Variants in COMMD1 observed in about 807,000 individuals in gnomAD.
The protein encoded by COMMD1 is COMM domain-containing protein 1.
COMMD1 carries 10 observed loss-of-function variants against 17.2 expected under a neutral mutation model. That is an observed-to-expected ratio of 0.58 (90% CI 0.36 to 0.99). The LOEUF is 0.99. Ranked by LOEUF, COMMD1 falls within the 50% of genes least tolerant of loss-of-function variation. The pLI, the probability that COMMD1 is intolerant of heterozygous loss-of-function variation, is 0.01. For synonymous variants in COMMD1, 97 were observed against 91.6 expected (o/e 1.06, Z -0.34); for missense variants, 270 against 231.8 (o/e 1.17, Z -1.07).
chr2:61,986,854 C>T (rs1212578278), intron 1 of COMMD1, among the ~76,000 whole-genome samples: 1 of 152,078 alleles, frequency 6.6e-6, no homozygotes, highest in Non-Finnish European at 1.5e-5. Flanking sequence ...CAGGTATGAG[C>T]CCCTGTGCCC....
At chr2:62,001,183 G>A in intron 2 of COMMD1, 1 of 583,490 alleles carries the variant, frequency 1.7e-6, no homozygotes, top group Non-Finnish European at 3.0e-6. Context: ...TCAGGGTCCT[G>A]GCAGCTGTCT....
chr2:62,053,676 C>A (rs1318583320), intron 2 of COMMD1, among the ~76,000 whole-genome samples: 1 of 152,098 alleles, frequency 6.6e-6, no homozygotes, highest in Non-Finnish European at 1.5e-5. Context: ...TGGCCAAATT[C>A]TAAGGATCAG....
chr2:62,112,555 C>A (rs900748634), intron 2 of COMMD1, among the ~76,000 whole-genome samples: 1 of 152,204 alleles, frequency 6.6e-6, no homozygotes, highest in African/African-American at 2.4e-5. Flanking sequence ...GTATGTGTAA[C>A]AAGGTAGGAA....
At chr2:61,911,304 G>A (rs778132899) in intron 1 of COMMD1, among the ~76,000 whole-genome samples, 2 of 151,892 alleles carry the variant, frequency 1.3e-5, no homozygotes, top group Non-Finnish European at 2.9e-5. Flanking sequence ...GTGAAACCCC[G>A]TCTCTATTAA....
chr2:61,939,867 C>T (rs1670697611), intron 1 of COMMD1, among the ~76,000 whole-genome samples: 1 of 152,224 alleles, frequency 6.6e-6, no homozygotes, highest in Non-Finnish European at 1.5e-5. Context: ...TAGAATCTAG[C>T]AGCTCCTCAG....
At chr2:61,950,033 A>G (rs1164925981) in intron 1 of COMMD1, among the ~76,000 whole-genome samples, 4 of 152,226 alleles carry the variant, frequency 2.6e-5, no homozygotes, top group Admixed American at 6.5e-5. Context: ...GATCTATTAT[A>G]AGAGTACTTG....
At chr2:61,949,541 G>A (rs1670996736) in intron 1 of COMMD1, among the ~76,000 whole-genome samples, 1 of 152,178 alleles carries the variant, frequency 6.6e-6, no homozygotes, top group South Asian at 2.1e-4. Flanking sequence ...GTAGAAGATG[G>A]AGCCTCTGTT....
At chr2:61,942,049 T>C (rs1670762669) in intron 1 of COMMD1, among the ~76,000 whole-genome samples, 1 of 152,224 alleles carries the variant, frequency 6.6e-6, no homozygotes, top group Admixed American at 6.5e-5. Context: ...GATGCTTAAA[T>C]AGTCTCTTAA....
At chr2:61,999,962 C>T (rs1297804333) in intron 1 of COMMD1, among the ~76,000 whole-genome samples, 1 of 140,868 alleles carries the variant, frequency 7.1e-6, no homozygotes, top group East Asian at 2.1e-4. Context: ...CTTGCTCTGT[C>T]GCTCAGGCTG....
chr2:62,085,914 C>T (rs2103988353), intron 2 of COMMD1, among the ~76,000 whole-genome samples: 1 of 152,164 alleles, frequency 6.6e-6, no homozygotes, highest in East Asian at 2.0e-4. Flanking sequence ...GGAGGCGGAG[C>T]TTGCAGTGAG....
At chr2:61,967,528 C>A (rs1163213102) in intron 1 of COMMD1, among the ~76,000 whole-genome samples, 1 of 152,140 alleles carries the variant, frequency 6.6e-6, no homozygotes, top group African/African-American at 2.4e-5. Context: ...AGATTGAAAG[C>A]TCTTCAAAAG....
intron 1 of COMMD1, among the ~76,000 whole-genome samples, chr2:61,998,119 A>G (rs1490269729): frequency 6.6e-6 from 1 of 152,124 alleles, no homozygotes; most frequent in Admixed American, 6.5e-5. Context: ...CAACCTACAT[A>G]TAATTAAAGA....
At chr2:61,936,176 T>G (rs1445531170) in intron 1 of COMMD1, among the ~76,000 whole-genome samples, 2 of 152,196 alleles carry the variant, frequency 1.3e-5, no homozygotes, top group East Asian at 3.8e-4. Context: ...TCAGTTTTGA[T>G]GCACCTATTA....
intron 1 of COMMD1, among the ~76,000 whole-genome samples, chr2:61,913,816 A>AAAAAAAAG (rs756118056): frequency 3.0e-5 from 3 of 100,192 alleles, no homozygotes; most frequent in Admixed American, 1.4e-4. Flanking sequence ...AAAAAAAAAA[A>AAAAAAAAG]AGAAAAGTGT....
intron 2 of COMMD1, among the ~76,000 whole-genome samples, chr2:62,078,002 A>G (rs929568539): frequency 6.6e-6 from 1 of 152,136 alleles, no homozygotes; most frequent in Non-Finnish European, 1.5e-5. Context: ...GGGACTGGGC[A>G]TAGTGGCTCA....
chr2:61,926,270 G>A (rs574916170), intron 1 of COMMD1, among the ~76,000 whole-genome samples: 75 of 152,146 alleles, frequency 4.9e-4, no homozygotes, highest in African/African-American at 7.0e-4. Context: ...TGCGTCTGGC[G>A]AGTTAGTGTT....
At chr2:61,922,843 G>A (rs946371979) in intron 1 of COMMD1, among the ~76,000 whole-genome samples, 2 of 152,240 alleles carry the variant, frequency 1.3e-5, no homozygotes, top group Non-Finnish European at 2.9e-5. Context: ...TTTGGAGGAA[G>A]ACAGTTAAGT....
At chr2:62,052,073 A>C (rs13388396) in intron 2 of COMMD1, among the ~76,000 whole-genome samples, 1,971 of 152,314 alleles carry the variant, frequency 0.013, 29 homozygotes, top group African/African-American at 0.044. Context: ...TCTCTTAACC[A>C]TCCTGTTGCT....
At chr2:61,990,777 A>G (rs953379535) in intron 1 of COMMD1, among the ~76,000 whole-genome samples, 1 of 151,818 alleles carries the variant, frequency 6.6e-6, no homozygotes, top group Admixed American at 6.6e-5. Flanking sequence ...TGAATCAGTT[A>G]TCTCCTGGTG....
Sources: gnomAD v4.1 joint callset for allele counts (sites outside exome capture counted in the v4.1 genomes callset) on GRCh38, gnomAD v4.1.1 for gene constraint, MANE v1.5 for transcripts, NCBI Gene and HGNC (gene_info 2026-07-23, HGNC 2026-07-21) for gene names.